Variants in NPHP4 observed in about 807,000 individuals in gnomAD.
NPHP4 encodes nephrocystin-4.
NPHP4 carries 151 observed loss-of-function variants against 155.8 expected under a neutral mutation model. That is an observed-to-expected ratio of 0.97 (90% CI 0.85 to 1.11). NPHP4 has a LOEUF of 1.11. Ranked by LOEUF, NPHP4 falls within the 50% of genes least tolerant of loss-of-function variation. The pLI is 0.00. For missense variants in NPHP4, 1,956 were observed against 1,925.7 expected (o/e 1.02, Z -0.29); for synonymous variants, 845 against 816.8 (o/e 1.03, Z -0.59).
intron 18 of NPHP4, 145 bp downstream of exon 18, chr1:5,887,141 C>T (rs545560484): frequency 1.2e-5 from 9 of 757,726 alleles, no homozygotes; most frequent in Non-Finnish European, 1.9e-5. Flanking sequence ...AGGACACAGG[C>T]TCCATGGCCA....
intron 11 of NPHP4, among the ~76,000 whole-genome samples, chr1:5,919,000 G>A (rs1645604728): frequency 6.6e-6 from 1 of 152,212 alleles, no homozygotes; most frequent in Admixed American, 6.5e-5. Flanking sequence ...TCAGGGGTCT[G>A]CAAACTATGG....
intron 6 of NPHP4, among the ~76,000 whole-genome samples, chr1:5,959,806 T>C (rs1349534090): frequency 6.6e-6 from 1 of 152,116 alleles, no homozygotes; most frequent in African/African-American, 2.4e-5. Flanking sequence ...AAGATCAGTA[T>C]CTAACAGGCA....
At position 5,961,850 on chromosome 1, in the gene NPHP4, A is replaced by G; in HGVS notation, c.617T>C (p.Leu206Pro). 2.5e-6 allele frequency: 4 copies of G among 1,613,754 alleles called. No homozygotes were observed. Among genetic ancestry groups the G allele is most frequent in the Non-Finnish European group, 3.4e-6 (4 of 1,179,742 alleles). The change falls in exon 6 of 30, where the codon CTT (leucine) becomes CCT (proline). Residue 206 changes from leucine (L) to proline (P), a missense_variant. Coordinates refer to ENST00000378156, the MANE Select transcript of NPHP4 (RefSeq NM_015102.5). ...TATCTGCTGCAGACCAGACACCAGA[A>G]GGTTCTCAGGAAGAAGGTGGAACGC... is the stretch of plus-strand genomic sequence containing the variant. The part of the protein sequence containing the change: ...EPAFHLLPEN[L>P]LVSGLQQIPG...
At chr1:5,965,952 G>A (rs1314456387) in intron 5 of NPHP4, among the ~76,000 whole-genome samples, 5 of 152,108 alleles carry the variant, frequency 3.3e-5, no homozygotes, top group East Asian at 3.9e-4. Flanking sequence ...GCACGTGCAC[G>A]CTTCTCTCAT....
At chr1:5,943,357 G>A (rs1274888900) in intron 9 of NPHP4, among the ~76,000 whole-genome samples, 1 of 152,172 alleles carries the variant, frequency 6.6e-6, no homozygotes, top group Non-Finnish European at 1.5e-5. Flanking sequence ...GCCTGGGTGT[G>A]CCCTGAACAC....
At chr1:5,978,890 C>T (rs750278695) in intron 2 of NPHP4, among the ~76,000 whole-genome samples, 2 of 152,194 alleles carry the variant, frequency 1.3e-5, no homozygotes, top group Non-Finnish European at 2.9e-5. Context: ...CATTTCCAAC[C>T]AAATGAGCCC....
chr1:5,875,080 T>C lies in NPHP4; in HGVS notation c.2838A>G (p.Thr946=). The change falls in exon 21 of 30, where the codon ACA becomes ACG. Residue 946 remains threonine (T), a synonymous_variant. Transcript: ENST00000378156. ...TSVLAQQSVR[T]QHLRDLQVIA... Reference sequence around the variant, plus strand: ...TGACCTGTAGGTCCCGCAAGTGCTGTGTGCGGACGCTCTGCTGCGCCTGCA... The same window carrying C: ...TGACCTGTAGGTCCCGCAAGTGCTGCGTGCGGACGCTCTGCTGCGCCTGCA... 4 of 1,605,656 alleles carry C rather than the reference T, an allele frequency of 2.5e-6. No individual in the cohort carries two copies. The South Asian group carries it at 3.3e-5, about 13-fold the overall frequency.
rs956644746 is a variant in NPHP4 at position 5,936,390 on chromosome 1, C to T, written c.1120-3061G>A. Among the ~76,000 whole-genome samples the T allele has an allele frequency of 5.3e-5, 8 of 152,148 alleles. 1 individual carries two copies. The South Asian group carries it at 1.7e-3, about 32-fold the overall frequency. On this transcript the variant is annotated intron_variant, in intron 9 of 29. Transcript: ENST00000378156. The stretch of plus-strand genomic sequence containing the variant: ...AACCACCTGGCTCTGCAGAGAAGGC[C>T]AAGCACAAGCAGAGTCACAGTGAGT...
chr1:5,978,060 C>T (rs1235008613), intron 3 of NPHP4, among the ~76,000 whole-genome samples: 2 of 151,506 alleles, frequency 1.3e-5, no homozygotes, highest in African/African-American at 4.9e-5. Flanking sequence ...AGAGCTCTCT[C>T]ATCTGTTTAA....
In NPHP4 at chr1:5,864,333, C is replaced by T; in HGVS notation, c.3996+5G>A. ...CCTCAGCCTGTGCCTGCCACACATA[C>T]AGACCTTGGAGATGAGCGGCTGGCG... On this transcript the variant is annotated splice_donor_5th_base_variant and intron_variant, in intron 28 of 29. Coordinates refer to ENST00000378156, the MANE Select transcript of NPHP4 (RefSeq NM_015102.5). 6.2e-7 allele frequency: 1 copy of T among 1,601,432 alleles called. No individual in the cohort carries two copies. The highest frequency in any genetic ancestry group is 8.5e-7 in the Non-Finnish European group (1 of 1,172,590).
intron 8 of NPHP4, 134 bp from the exon 9 acceptor site, chr1:5,947,364 AC>A: frequency 1.2e-6 from 1 of 814,354 alleles, no homozygotes; most frequent in Non-Finnish European, 2.0e-6. Flanking sequence ...CAGCAAGTCC[AC>A]CATGTAACAC....
chr1:5,963,096 G>A (rs1650667545), intron 5 of NPHP4, among the ~76,000 whole-genome samples: 3 of 152,224 alleles, frequency 2.0e-5, no homozygotes, highest in Non-Finnish European at 2.9e-5. Context: ...ATGAACTACT[G>A]TATTATCAGA....
intron 5 of NPHP4, among the ~76,000 whole-genome samples, chr1:5,962,864 A>C (rs952285755): frequency 5.9e-5 from 9 of 152,190 alleles, no homozygotes; most frequent in African/African-American, 1.9e-4. Flanking sequence ...CACACCCCCG[A>C]AACACAGGGC....
At chr1:5,971,329 A>G (rs1652521343) in intron 3 of NPHP4, among the ~76,000 whole-genome samples, 1 of 152,242 alleles carries the variant, frequency 6.6e-6, no homozygotes, top group African/African-American at 2.4e-5. Flanking sequence ...TAAAGAATCC[A>G]TCTTTAATCA....
intron 10 of NPHP4, among the ~76,000 whole-genome samples, chr1:5,929,022 C>T (rs747434426): frequency 6.6e-6 from 1 of 152,146 alleles, no homozygotes; most frequent in Non-Finnish European, 1.5e-5. Context: ...GATCCCCTAA[C>T]TATTTTGTTA....
At position 5,885,305 on chromosome 1, in the gene NPHP4, G is replaced by A. The variant is rs150631008; in HGVS notation, c.2485+1981C>T. 3.9e-3 allele frequency among the ~76,000 whole-genome samples: 529 copies of A among 135,410 alleles called. 3 individuals carry two copies. The highest frequency in any genetic ancestry group is 0.014 in the African/African-American group (505 of 34,916). 88.8% of individuals were successfully genotyped at this position (135,410 alleles called of 152,430 possible). A position where few individuals can be genotyped will look rare whatever the true frequency, so the allele number is the denominator to read the frequency against. ...TGCCCAAGCTCCCAGAAAAACCCCCGTCCTACTCTACAACCAAGATCACTG... is the reference window on the plus strand; with the variant it reads ...TGCCCAAGCTCCCAGAAAAACCCCCATCCTACTCTACAACCAAGATCACTG... On this transcript the variant is annotated intron_variant, in intron 18 of 29. Coordinates refer to ENST00000378156, the MANE Select transcript of NPHP4 (RefSeq NM_015102.5).
At chr1:5,908,050 T>TG (rs1438953048) in intron 12 of NPHP4, among the ~76,000 whole-genome samples, 1 of 152,190 alleles carries the variant, frequency 6.6e-6, no homozygotes, top group Non-Finnish European at 1.5e-5. Context: ...CAATGATGGC[T>TG]GGCCCACACC....
intron 11 of NPHP4, among the ~76,000 whole-genome samples, chr1:5,917,326 T>A (rs1645525068): frequency 6.6e-6 from 1 of 152,034 alleles, no homozygotes; most frequent in East Asian, 1.9e-4. Context: ...AAGCCCAGGA[T>A]TACCTGGGAG....
chr1:5,965,597 T>C (rs771369408), intron 5 of NPHP4, among the ~76,000 whole-genome samples: 3 of 152,148 alleles, frequency 2.0e-5, no homozygotes, highest in Non-Finnish European at 2.9e-5. Context: ...TGAAGGGACC[T>C]CCTCTTGGCC....
Sources: allele counts gnomAD v4.1 joint callset (sites outside exome capture counted in the v4.1 genomes callset), GRCh38; gene constraint gnomAD v4.1.1; transcripts MANE v1.5; gene names NCBI Gene and HGNC (gene_info 2026-07-23, HGNC 2026-07-21).